Variants in GARNL3 observed in about 807,000 individuals in gnomAD.
GARNL3 encodes the protein GTPase-activating Rap/Ran-GAP domain-like protein 3.
In GARNL3, 63 loss-of-function variants were observed where a neutral mutation model predicts 125.0. The observed-to-expected ratio is 0.50, with a 90% confidence interval of 0.41 to 0.62. The LOEUF is 0.62. GARNL3 is among the 20% of genes least tolerant of loss of function. The pLI is 0.00. For missense variants in GARNL3, 994 were observed against 1,244.0 expected, an observed-to-expected ratio of 0.80 and a Z score of 3.02; for synonymous variants, 439 against 457.5, an observed-to-expected ratio of 0.96 and a Z score of 0.52.
Position 127,313,561 on chromosome 9 carries a change from T to C in GARNL3, c.438+2T>C, listed in dbSNP as rs150033098. ...CGTGCAATTCTTTGGAGAAAAACAG[T>C]AAGTATATGGCTCACACTTGAAGCA... On this transcript the variant is annotated splice_donor_variant, in intron 4 of 27. Transcript: ENST00000373387. LOFTEE classifies it high-confidence loss of function. 2.5e-6 allele frequency: 4 copies of C among 1,596,678 alleles called. No homozygotes were observed. The African/African-American group carries it at 5.4e-5, about 21-fold the overall frequency.
intron 26 of GARNL3, 98 bp downstream of exon 26, chr9:127,389,217 A>C: frequency 1.1e-6 from 1 of 878,884 alleles, no homozygotes; most frequent in East Asian, 2.6e-5. Flanking sequence ...GTTTAAAAGG[A>C]AAGTTTCCTT....
At chr9:127,246,838 G>C (rs1405236704) in intron 2 of GARNL3, among the ~76,000 whole-genome samples, 1 of 151,856 alleles carries the variant, frequency 6.6e-6, no homozygotes, top group African/African-American at 2.4e-5. Context: ...GCTGAAGAAG[G>C]GTACAGTAAC....
At chr9:127,352,569 A>G (rs1830473130) in intron 17 of GARNL3, among the ~76,000 whole-genome samples, 1 of 152,184 alleles carries the variant, frequency 6.6e-6, no homozygotes, top group African/African-American at 2.4e-5. Flanking sequence ...GAGGAAGAAA[A>G]GTGGTTGATG....
At chr9:127,357,985 A>C (rs1185432008) in intron 21 of GARNL3, among the ~76,000 whole-genome samples, 1 of 152,128 alleles carries the variant, frequency 6.6e-6, no homozygotes, top group Non-Finnish European at 1.5e-5. Context: ...CTAGGAAAGG[A>C]AGAAGGGGTG....
intron 7 of GARNL3, among the ~76,000 whole-genome samples, chr9:127,331,735 T>TTTTTTTTTTTTTTTC (rs1554722987): frequency 1.4e-5 from 2 of 143,732 alleles, no homozygotes; most frequent in Admixed American, 7.1e-5. Context: ...TTTTTTTTTT[T>TTTTTTTTTTTTTTTC]CACATCTGTT....
At position 127,376,349 on chromosome 9, in the gene GARNL3, G is replaced by A. The variant is rs917759246; in HGVS notation, c.2162-7089G>A. Among the ~76,000 whole-genome samples, 70 of 152,116 alleles carry A rather than the reference G, an allele frequency of 4.6e-4. 1 individual carries two copies. Among genetic ancestry groups the A allele is most frequent in the African/African-American group, 1.6e-3 (67 of 41,506 alleles). On this transcript the variant is annotated intron_variant, in intron 22 of 27. Transcript: ENST00000373387. Reference sequence around the variant, plus strand: ...TTCTCCTGCCTCAGCTTCCCGAGTAGCTGGGACTACAGGCGCCTGCCACCT... The same window carrying A: ...TTCTCCTGCCTCAGCTTCCCGAGTAACTGGGACTACAGGCGCCTGCCACCT...
chr9:127,292,722 C>A (rs1401593336), intron 2 of GARNL3, among the ~76,000 whole-genome samples: 2 of 152,232 alleles, frequency 1.3e-5, no homozygotes, highest in Non-Finnish European at 2.9e-5. Context: ...TCACCATACA[C>A]TTGGCAGTCA....
At chr9:127,322,230 C>T (rs536461147) in intron 6 of GARNL3, among the ~76,000 whole-genome samples, 1 of 152,062 alleles carries the variant, frequency 6.6e-6, no homozygotes, top group African/African-American at 2.4e-5. Context: ...CCTAATCCTT[C>T]TTTAAGCCTT....
chr9:127,251,071 A>G (rs1213906943), intron 2 of GARNL3, among the ~76,000 whole-genome samples: 1 of 152,194 alleles, frequency 6.6e-6, no homozygotes, highest in African/African-American at 2.4e-5. Context: ...ATCTCAAAGT[A>G]CAGTACAGCA....
At chr9:127,226,839 G>A (rs1231841560) in intron 1 of GARNL3, among the ~76,000 whole-genome samples, 1 of 152,238 alleles carries the variant, frequency 6.6e-6, no homozygotes, top group African/African-American at 2.4e-5. Flanking sequence ...GCTGGAGCAT[G>A]AAGGATGTGA....
rs368822199 is a variant in GARNL3, at chr9:127,342,967, G to A, written c.1251+633G>A. Among the ~76,000 whole-genome samples, 17 of 148,502 alleles carry A rather than the reference G, an allele frequency of 1.1e-4. No homozygotes were observed. In the East Asian group the frequency reaches 2.2e-3, roughly 19 times the overall value. On this transcript the variant is annotated intron_variant, in intron 14 of 27. Coordinates refer to ENST00000373387, the MANE Select transcript of GARNL3 (RefSeq NM_032293.5). ...GGCTGGAGTGCCATGGCATGATCTC[G>A]GCTCACTGCAACCTCCACCTCCTGG...
chr9:127,296,564 T>C (rs1289800815), intron 2 of GARNL3, among the ~76,000 whole-genome samples: 3 of 148,072 alleles, frequency 2.0e-5, no homozygotes, highest in Non-Finnish European at 4.5e-5. Flanking sequence ...CTCCACCTCC[T>C]GGGTTGAAAC....
In GARNL3 at chr9:127,294,390, G is replaced by A. The variant is rs185432517; in HGVS notation, c.219+3148G>A. On this transcript the variant is annotated intron_variant, in intron 2 of 27. Transcript: ENST00000373387. Reference sequence around the variant, plus strand: ...CACTATCTCGGCTCACTGCACCTCCGCCTCCTGGGTTCAAGCAATTCTTCT... The same window carrying A: ...CACTATCTCGGCTCACTGCACCTCCACCTCCTGGGTTCAAGCAATTCTTCT... 3.0e-3 allele frequency among the ~76,000 whole-genome samples: 459 copies of A among 152,052 alleles called. 2 individuals carry two copies. Among genetic ancestry groups the A allele is most frequent in the African/African-American group, 0.01 (416 of 41,474 alleles).
At chr9:127,271,629 C>T (rs2063826720) in intron 1 of GARNL3, among the ~76,000 whole-genome samples, 1 of 150,322 alleles carries the variant, frequency 6.7e-6, no homozygotes. Flanking sequence ...TGAAATCTGT[C>T]AGAAAAAGCA....
chr9:127,338,292 T>A, intron 12 of GARNL3, 131 bp downstream of exon 12: 2 of 736,246 alleles, frequency 2.7e-6, no homozygotes, highest in South Asian at 3.3e-5. Context: ...CTTACAAAAC[T>A]TTCTTCAAGG....
At chr9:127,332,160 CCTGA>C (rs1283071662) in intron 7 of GARNL3, 110 bp from the exon 8 acceptor site, 2 of 726,498 alleles carry the variant, frequency 2.8e-6, no homozygotes, top group East Asian at 2.5e-5. Flanking sequence ...GAAGGGATCC[CCTGA>C]CTGTCCATCC....
intron 2 of GARNL3, among the ~76,000 whole-genome samples, chr9:127,244,841 G>C (rs1020457051): frequency 2.0e-5 from 3 of 152,180 alleles, no homozygotes; most frequent in African/African-American, 4.8e-5. Context: ...CAGAGCTTCC[G>C]CACCTTCCAG....
At chr9:127,286,187 C>T (rs1312822910) in intron 1 of GARNL3, among the ~76,000 whole-genome samples, 1 of 152,204 alleles carries the variant, frequency 6.6e-6, no homozygotes, top group African/African-American at 2.4e-5. Flanking sequence ...GGACTCTTCT[C>T]CCAGAAGAAT....
intron 13 of GARNL3, among the ~76,000 whole-genome samples, chr9:127,340,949 G>A (rs1461318650): frequency 1.3e-5 from 2 of 152,152 alleles, no homozygotes; most frequent in Non-Finnish European, 2.9e-5. Context: ...TGGCCAGGCT[G>A]TTTGGTAGCC....
Sources: gnomAD v4.1 joint callset for allele counts (sites outside exome capture counted in the v4.1 genomes callset) on GRCh38, gnomAD v4.1.1 for gene constraint, MANE v1.5 for transcripts, NCBI Gene and HGNC (gene_info 2026-07-23, HGNC 2026-07-21) for gene names.